LINC00305: variants seen among roughly 807,000 people sequenced by gnomAD.
The protein encoded by LINC00305 is long independently transcribed non-coding RNA 305, also known as long intergenic non-protein coding RNA 305.
chr18:64,147,198 T>C (rs1008250237), intron 1 of LINC00305: 1 of 152,164 alleles, frequency 6.6e-6, no homozygotes, highest in African/African-American at 2.4e-5. Context: ...GCCTTATTCA[T>C]TCCCTTCAGA....
chr18:64,116,903 C>A (rs917747831), intron 1 of LINC00305, among the ~76,000 whole-genome samples: 2 of 152,174 alleles, frequency 1.3e-5, no homozygotes, highest in African/African-American at 2.4e-5. Context: ...TGGTCCCCTT[C>A]TGAGGGAGCT....
intron 1 of LINC00305, among the ~76,000 whole-genome samples, chr18:64,117,334 A>G (rs2051342210): frequency 6.6e-6 from 1 of 152,160 alleles, no homozygotes; most frequent in African/African-American, 2.4e-5. Flanking sequence ...TGCCTGAAAC[A>G]CTCATAGGAG....
At chr18:64,104,819 G>A (rs1218627784) in intron 1 of LINC00305, among the ~76,000 whole-genome samples, 1 of 151,944 alleles carries the variant, frequency 6.6e-6, no homozygotes, top group Admixed American at 6.6e-5. Flanking sequence ...CCTTATGTCC[G>A]TTTCTCCTGA....
intron 1 of LINC00305, among the ~76,000 whole-genome samples, chr18:64,105,163 T>C (rs1332191311): frequency 6.6e-6 from 1 of 152,100 alleles, no homozygotes; most frequent in African/African-American, 2.4e-5. Flanking sequence ...ACAGTGCATA[T>C]AAAAAATGTT....
At position 64,126,558 on chromosome 18, in the gene LINC00305, G is replaced by A. The variant is rs1333501454; in HGVS notation, n.314+22217C>T. Among the ~76,000 whole-genome samples, 5 of 152,132 alleles carry A rather than the reference G, an allele frequency of 3.3e-5. No individual in the cohort carries two copies. The East Asian group carries it at 9.7e-4, about 30-fold the overall frequency. ...GAGCTGTTCACTGAGATATAGGATT[G>A]CTCAGAGCTGCCCTTAATAATTTAT... On this transcript the variant is annotated intron_variant and non_coding_transcript_variant, in intron 1 of 3. Transcript: ENST00000666468.
At chr18:64,097,851 A>C (rs1014220598) in exon 3 of LINC00305, 1 of 457,874 alleles carries the variant, frequency 2.2e-6, no homozygotes, top group African/African-American at 2.0e-5. Context: ...CTTCATTGAG[A>C]GCATGTAGAA....
chr18:64,126,215 A>G (rs1167812325), intron 1 of LINC00305, among the ~76,000 whole-genome samples: 1 of 152,016 alleles, frequency 6.6e-6, no homozygotes, highest in Non-Finnish European at 1.5e-5. Context: ...TGTTCCAATT[A>G]TCATTCATAC....
intron 3 of LINC00305, among the ~76,000 whole-genome samples, chr18:64,091,910 T>A (rs192840460): frequency 1.3e-3 from 197 of 152,326 alleles, no homozygotes; most frequent in African/African-American, 4.4e-3. Flanking sequence ...AAGGGCTTTT[T>A]AAATTATTTA....
At chr18:64,143,568 ACACATAT>A (rs2051476727) in intron 1 of LINC00305, among the ~76,000 whole-genome samples, 2 of 5,774 alleles carry the variant, frequency 3.5e-4, no homozygotes, top group African/African-American at 5.5e-4. Flanking sequence ...GTACATATAT[ACACATAT>A]GTATATGTAC....
intron 1 of LINC00305, among the ~76,000 whole-genome samples, chr18:64,128,545 G>A (rs112096566): frequency 2.2e-3 from 332 of 152,118 alleles, no homozygotes; most frequent in African/African-American, 7.8e-3. Context: ...AATGAAAATC[G>A]CAGCCAGCCA....
intron 3 of LINC00305, among the ~76,000 whole-genome samples, chr18:64,087,356 G>T (rs1599204372): frequency 1.3e-5 from 2 of 152,078 alleles, no homozygotes; most frequent in Admixed American, 6.6e-5. Context: ...CTCTGAATTG[G>T]AATCATCAAG....
chr18:64,144,680 G>T (rs960349642), intron 1 of LINC00305, among the ~76,000 whole-genome samples: 3 of 151,922 alleles, frequency 2.0e-5, no homozygotes, highest in Admixed American at 6.6e-5. Flanking sequence ...AGTGTAGGGA[G>T]ACCCCCTGAA....
intron 1 of LINC00305, among the ~76,000 whole-genome samples, chr18:64,121,646 A>G (rs1023158427): frequency 2.6e-5 from 4 of 152,170 alleles, no homozygotes; most frequent in Non-Finnish European, 5.9e-5. Context: ...TAGTGCTGCA[A>G]TAAACATACG....
chr18:64,124,056 A>G (rs1024799708), intron 1 of LINC00305, among the ~76,000 whole-genome samples: 18 of 152,092 alleles, frequency 1.2e-4, no homozygotes, highest in African/African-American at 4.3e-4. Context: ...AGTTAAATAA[A>G]CTTATTTTCC....
chr18:64,105,583 C>A, intron 1 of LINC00305, among the ~76,000 whole-genome samples: 1 of 152,068 alleles, frequency 6.6e-6, no homozygotes, highest in East Asian at 1.9e-4. Flanking sequence ...TGTACGTGCA[C>A]GTGTGTGTAC....
chr18:64,103,102 C>A (rs1305411488), intron 1 of LINC00305, among the ~76,000 whole-genome samples: 2 of 152,172 alleles, frequency 1.3e-5, no homozygotes, highest in Non-Finnish European at 2.9e-5. Flanking sequence ...TATTGACATA[C>A]CTTCTTGGTC....
At chr18:64,129,351 G>A (rs1014052865) in intron 1 of LINC00305, among the ~76,000 whole-genome samples, 37 of 152,108 alleles carry the variant, frequency 2.4e-4, no homozygotes, top group African/African-American at 8.7e-4. Flanking sequence ...ATGATTTAAT[G>A]TTAGAAGTTG....
At chr18:64,098,797 A>G (rs936111277) in intron 1 of LINC00305, among the ~76,000 whole-genome samples, 5 of 152,128 alleles carry the variant, frequency 3.3e-5, no homozygotes, top group African/African-American at 1.2e-4. Context: ...CGTGTCCTCT[A>G]TTTGCACCCA....
intron 3 of LINC00305, among the ~76,000 whole-genome samples, chr18:64,089,480 G>T (rs933297537): frequency 2.0e-5 from 3 of 152,178 alleles, no homozygotes; most frequent in Non-Finnish European, 4.4e-5. Flanking sequence ...ACACATGCTG[G>T]TTTTTTCTTT....
Sources: gnomAD v4.1 joint callset for allele counts (sites outside exome capture counted in the v4.1 genomes callset) on GRCh38, gnomAD v4.1.1 for gene constraint, MANE v1.5 for transcripts, NCBI Gene and HGNC (gene_info 2026-07-23, HGNC 2026-07-21) for gene names.